Variants in GRM8 observed in about 807,000 individuals in gnomAD.
The protein encoded by GRM8 is metabotropic glutamate receptor 8.
In GRM8, 47 loss-of-function variants were observed where a neutral mutation model predicts 87.2. The ratio of observed to expected loss-of-function variants is 0.54; its 90% CI spans 0.43 to 0.69. The LOEUF (loss-of-function observed/expected upper bound fraction) is 0.69, where lower values mean the gene tolerates loss of function less well. GRM8 is among the 30% of genes least tolerant of loss of function. GRM8 has a pLI of 0.00. For synonymous variants in GRM8, 396 were observed against 404.5 expected (o/e 0.98, Z 0.25); for missense variants, 1,019 against 1,139.2 (o/e 0.89, Z 1.52).
chr7:126,691,251 C>T (rs548206910), intron 7 of GRM8, among the ~76,000 whole-genome samples: 1 of 152,318 alleles, frequency 6.6e-6, no homozygotes, highest in Non-Finnish European at 1.5e-5. Flanking sequence ...GTTAGTGCTG[C>T]CCCAAGTGTG....
intron 2 of GRM8, among the ~76,000 whole-genome samples, chr7:127,156,237 C>T (rs1041092000): frequency 2.6e-5 from 4 of 152,050 alleles, no homozygotes; most frequent in Non-Finnish European, 5.9e-5. Flanking sequence ...CTTCACTTGC[C>T]CTCTTACCAC....
At chr7:126,807,913 G>A (rs1393139114) in intron 6 of GRM8, among the ~76,000 whole-genome samples, 2 of 152,056 alleles carry the variant, frequency 1.3e-5, no homozygotes, top group Non-Finnish European at 2.9e-5. Context: ...TATGTTGGTT[G>A]GAACCTCAGA....
chr7:126,762,647 A>C (rs1317677700), intron 7 of GRM8, among the ~76,000 whole-genome samples: 1 of 152,092 alleles, frequency 6.6e-6, no homozygotes, highest in Non-Finnish European at 1.5e-5. Context: ...TTTAAATTTT[A>C]ATTATGAGAG....
In GRM8 at chr7:126,769,891, C is replaced by G; in HGVS notation, c.1331G>C (p.Gly444Ala). ...ATTAAAATTTACAGCCCGAATATAA[C>G]CAAGTAGCTCTTTCCCATCAATGGT... ...MSTIDGKELL[G>A]YIRAVNFNGS... The change falls in exon 7 of 11, where the codon GGT (glycine) becomes GCT (alanine). Residue 444 changes from glycine to alanine, a missense_variant. Coordinates refer to ENST00000339582, the MANE Select transcript of GRM8 (RefSeq NM_000845.3). The G allele has an allele frequency of 6.3e-7, 1 of 1,577,722 alleles. No individual in the cohort carries two copies. The highest frequency in any genetic ancestry group is 8.6e-7 in the Non-Finnish European group (1 of 1,158,808).
At chr7:126,842,135 A>G (rs1586159886) in intron 6 of GRM8, among the ~76,000 whole-genome samples, 4 of 152,228 alleles carry the variant, frequency 2.6e-5, no homozygotes, top group African/African-American at 4.8e-5. Context: ...AATAAAATGG[A>G]ATAGAGAAGA....
chr7:126,450,047 A>G (rs1421794370), intron 9 of GRM8, among the ~76,000 whole-genome samples: 2 of 151,786 alleles, frequency 1.3e-5, no homozygotes, highest in Non-Finnish European at 2.9e-5. Context: ...GAGCATACTA[A>G]TATGAAATCT....
At chr7:127,130,121 A>G (rs1244476552) in intron 2 of GRM8, among the ~76,000 whole-genome samples, 1 of 152,128 alleles carries the variant, frequency 6.6e-6, no homozygotes, top group East Asian at 1.9e-4. Flanking sequence ...TTCCCCTCCC[A>G]ATCATAGAAG....
At chr7:127,153,020 T>C (rs745866049) in intron 2 of GRM8, among the ~76,000 whole-genome samples, 2 of 152,092 alleles carry the variant, frequency 1.3e-5, no homozygotes, top group Non-Finnish European at 2.9e-5. Context: ...CCCCATTTTC[T>C]CAACGTGAAT....
intron 6 of GRM8, among the ~76,000 whole-genome samples, chr7:126,898,941 CCT>C (rs1315098329): frequency 1.3e-5 from 2 of 151,894 alleles, no homozygotes; most frequent in African/African-American, 4.8e-5. Flanking sequence ...CCCTCAACCC[CCT>C]GACAGGTCCC....
intron 3 of GRM8, among the ~76,000 whole-genome samples, chr7:126,999,634 G>C (rs908052287): frequency 1.3e-5 from 2 of 151,602 alleles, no homozygotes; most frequent in African/African-American, 4.8e-5. Flanking sequence ...CATACGAAAA[G>C]GTGCTCAATG....
In GRM8 at chr7:127,198,378, T is replaced by C. The variant is rs186618110; in HGVS notation, c.510+44317A>G. ...TACTGAATTTGATTCCCAAATCTGC[T>C]CTGTGGCCTTAGTCAAGTTACTGAA... On this transcript the variant is annotated intron_variant, in intron 2 of 10. Transcript: ENST00000339582. 1.8e-3 allele frequency among the ~76,000 whole-genome samples: 272 copies of C among 152,298 alleles called. 2 individuals carry two copies. Among genetic ancestry groups the C allele is most frequent in the Non-Finnish European group, 2.4e-3 (161 of 68,034 alleles).
intron 9 of GRM8, among the ~76,000 whole-genome samples, chr7:126,468,907 A>C (rs1477739561): frequency 6.6e-6 from 1 of 152,098 alleles, no homozygotes; most frequent in Non-Finnish European, 1.5e-5. Flanking sequence ...AAAAACTGCA[A>C]TACCCCCTCT....
chr7:127,181,243 A>G (rs539263691), intron 2 of GRM8, among the ~76,000 whole-genome samples: 1 of 152,180 alleles, frequency 6.6e-6, no homozygotes, highest in East Asian at 1.9e-4. Context: ...CCCCTTTTAC[A>G]ATAGCTGCAA....
intron 2 of GRM8, among the ~76,000 whole-genome samples, chr7:127,241,266 T>C (rs554297988): frequency 6.6e-6 from 1 of 152,298 alleles, no homozygotes; most frequent in South Asian, 2.1e-4. Context: ...AGACTAGATG[T>C]GCCTCTGAGA....
intron 7 of GRM8, among the ~76,000 whole-genome samples, chr7:126,762,547 C>T (rs769586762): frequency 3.9e-5 from 6 of 151,942 alleles, no homozygotes; most frequent in Admixed American, 1.3e-4. Flanking sequence ...ATGGGAAAAA[C>T]GTTAATTCTT....
chr7:126,671,360 T>G (rs1245949503), intron 7 of GRM8, among the ~76,000 whole-genome samples: 1 of 152,214 alleles, frequency 6.6e-6, no homozygotes, highest in East Asian at 1.9e-4. Flanking sequence ...TCAAAAGGCC[T>G]ATGTAGAAAT....
intron 7 of GRM8, among the ~76,000 whole-genome samples, chr7:126,616,124 A>G (rs2151122212): frequency 6.6e-6 from 1 of 152,350 alleles, no homozygotes; most frequent in African/African-American, 2.4e-5. Context: ...CATACTTGGA[A>G]GTAAAGCACT....
intron 6 of GRM8, among the ~76,000 whole-genome samples, chr7:126,822,899 T>C (rs748329312): frequency 5.9e-5 from 9 of 152,210 alleles, no homozygotes; most frequent in South Asian, 2.1e-4. Flanking sequence ...CACATTTCTG[T>C]CTCCTAGTCT....
rs1428195769 is a variant in GRM8, at chr7:126,557,779, G to A, written c.1495-23892C>T. Among the ~76,000 whole-genome samples, 9 of 152,052 alleles carry A rather than the reference G, an allele frequency of 5.9e-5. No individual in the cohort carries two copies. In the South Asian group the frequency reaches 1.0e-3, roughly 18 times the overall value. ...GCAACATATGTGTATGACAAAGTACGTATATATGTATGTGTATATTGACAA... is the reference window on the plus strand; with the variant it reads ...GCAACATATGTGTATGACAAAGTACATATATATGTATGTGTATATTGACAA... On this transcript the variant is annotated intron_variant, in intron 8 of 10. Transcript: ENST00000339582.
Sources: gnomAD v4.1 joint callset for allele counts (sites outside exome capture counted in the v4.1 genomes callset) on GRCh38, gnomAD v4.1.1 for gene constraint, MANE v1.5 for transcripts, NCBI Gene and HGNC (gene_info 2026-07-23, HGNC 2026-07-21) for gene names.